The following TRPC5 variants were observed in gnomAD, a reference collection of about 807,000 sequenced individuals.
TRPC5 encodes the protein transient receptor potential cation channel subfamily C member 5, also known as short transient receptor potential channel 5.
A neutral mutation model predicts 56.5 loss-of-function variants in TRPC5; 9 were observed. That is an observed-to-expected ratio of 0.16 (90% CI 0.10 to 0.28). The LOEUF (loss-of-function observed/expected upper bound fraction) is 0.28. Among genes scored for constraint, TRPC5 ranks in the 10% least tolerant of loss-of-function variants. The probability of loss-of-function intolerance (pLI) is 1.00; values close to 1 mark genes in which losing one functional copy is unlikely to be tolerated. For synonymous variants in TRPC5, 282 were observed against 278.5 expected (o/e 1.01, Z -0.13); for missense variants, 469 against 748.9 (o/e 0.63, Z 4.36).
intron 10 of TRPC5, 72 bp from the exon 11 acceptor site, chrX:111,777,074 T>C (rs1714580662): frequency 1.6e-5 from 14 of 882,727 alleles, no homozygotes; most frequent in Non-Finnish European, 2.1e-5. Flanking sequence ...ATTAGATACC[T>C]TTGGTATGTT....
At chrX:111,864,994 C>T (rs1332162271) in intron 3 of TRPC5, among the ~76,000 whole-genome samples, 2 of 108,939 alleles carry the variant, frequency 1.8e-5, no homozygotes, top group African/African-American at 7.0e-5. Context: ...AATATAGCAG[C>T]TTCTTCTTTT....
At chrX:111,936,021 C>T (rs1926562181) in intron 2 of TRPC5, among the ~76,000 whole-genome samples, 1 of 111,768 alleles carries the variant, frequency 8.9e-6, no homozygotes, top group African/African-American at 3.3e-5. Flanking sequence ...TTGGTATTTG[C>T]ATTTAATCTA....
At chrX:111,860,070 G>A (rs1256620332) in intron 3 of TRPC5, among the ~76,000 whole-genome samples, 19 of 112,217 alleles carry the variant, frequency 1.7e-4, no homozygotes, top group African/African-American at 6.1e-4. Context: ...CACCACGACC[G>A]GCTAATTTTT....
intron 2 of TRPC5, among the ~76,000 whole-genome samples, chrX:111,919,764 A>G (rs1926078197): frequency 1.8e-5 from 2 of 112,033 alleles, no homozygotes; most frequent in African/African-American, 6.5e-5. Flanking sequence ...CTTGGGCCAC[A>G]CATAAAATAC....
Position 111,791,019 on chromosome X carries a change from C to CAAAAAAAAAAAAAAAAAAA in TRPC5, c.1897-8900_1897-8882dup. 2.2e-4 allele frequency among the ~76,000 whole-genome samples: 2 copies of CAAAAAAAAAAAAAAAAAAA among 9,293 alleles called. 1 individual carries two copies. The highest frequency in any genetic ancestry group is 4.4e-4 in the Non-Finnish European group (2 of 4,527). The allele number at this position is 9,293 out of a possible 115,157, so 8.1% of individuals were successfully genotyped here. A position where few individuals can be genotyped will look rare whatever the true frequency, so the allele number is the denominator to read the frequency against. On this transcript the variant is annotated intron_variant, in intron 7 of 10. Transcript: ENST00000262839. ...TGGGCCACAGAGCAAGACTCCATCT[C>CAAAAAAAAAAAAAAAAAAA]AAAAAAAAAAAAAAAAAAAAAAAAA... is the stretch of plus-strand genomic sequence containing the variant.
intron 6 of TRPC5, among the ~76,000 whole-genome samples, chrX:111,841,572 G>T (rs958172707): frequency 1.8e-5 from 2 of 112,088 alleles, no homozygotes; most frequent in East Asian, 5.5e-4. Flanking sequence ...TTCCTAGCAC[G>T]CAGTAAATAT....
At chrX:112,068,624 G>A (rs947820390) in intron 1 of TRPC5, among the ~76,000 whole-genome samples, 6 of 111,728 alleles carry the variant, frequency 5.4e-5, no homozygotes, top group African/African-American at 2.0e-4. Flanking sequence ...GTGAGCATCA[G>A]GGAAACACAC....
At chrX:112,058,531 A>C (rs1930390332) in intron 1 of TRPC5, among the ~76,000 whole-genome samples, 1 of 111,874 alleles carries the variant, frequency 8.9e-6, no homozygotes, top group Admixed American at 9.5e-5. Context: ...TGTGGACTAA[A>C]AGTATCTAAG....
At chrX:111,968,512 A>G (rs1292641644) in intron 1 of TRPC5, among the ~76,000 whole-genome samples, 1 of 111,036 alleles carries the variant, frequency 9.0e-6, no homozygotes, top group Admixed American at 9.6e-5. Context: ...GCTGCTATAA[A>G]GACACATGCA....
intron 3 of TRPC5, among the ~76,000 whole-genome samples, chrX:111,864,328 T>C (rs1396786706): frequency 8.9e-6 from 1 of 112,445 alleles, no homozygotes; most frequent in East Asian, 2.8e-4. Flanking sequence ...GGATTTAGAT[T>C]GCTTTTTCTT....
Position 111,774,390 on chromosome X carries a change from A to T in TRPC5, c.*1923T>A, listed in dbSNP as rs776035885. 2.7e-5 allele frequency: 3 copies of T among 112,231 alleles called. No individual in the cohort carries two copies. The highest frequency in any genetic ancestry group is 1.9e-4 in the Admixed American group (2 of 10,518). The allele number at this position is 112,231 out of a possible 1,213,427, so 9.2% of individuals were successfully genotyped here. A position where few individuals can be genotyped will look rare whatever the true frequency, so the allele number is the denominator to read the frequency against. ...GTGAATTTGACAATTTGAAAAGCTGAATCTGTAACTTTAGAAACCTTTCTG... is the reference window on the plus strand; with the variant it reads ...GTGAATTTGACAATTTGAAAAGCTGTATCTGTAACTTTAGAAACCTTTCTG... On this transcript the variant is annotated 3_prime_UTR_variant, in exon 11 of 11. Coordinates refer to ENST00000262839, the MANE Select transcript of TRPC5 (RefSeq NM_012471.3).
rs1185297560 is a variant in TRPC5 at position 112,008,735 on chromosome X, A to G, written c.-21-56294T>C. ...ATCAGTTTTTCTAGGCATAATAATAACTACGTAATAACATAATTGTGAAGA... is the reference window on the plus strand; with the variant it reads ...ATCAGTTTTTCTAGGCATAATAATAGCTACGTAATAACATAATTGTGAAGA... On this transcript the variant is annotated intron_variant, in intron 1 of 10. Coordinates refer to ENST00000262839, the MANE Select transcript of TRPC5 (RefSeq NM_012471.3). Among the ~76,000 whole-genome samples, 4 of 112,109 alleles carry G rather than the reference A, an allele frequency of 3.6e-5. No homozygotes were observed. The East Asian group carries it at 1.1e-3, about 31-fold the overall frequency.
chrX:112,023,246 GTTTTTTTTTTTTTTT>G (rs1163231468), intron 1 of TRPC5, among the ~76,000 whole-genome samples: 40 of 56,704 alleles, frequency 7.1e-4, no homozygotes, highest in Admixed American at 2.4e-3. Flanking sequence ...TTTTTTTTTT[GTTTTTTTTTTTTTTT>G]TTTTTTTTTT....
chrX:111,792,915 A>G (rs956171103), intron 7 of TRPC5, among the ~76,000 whole-genome samples: 64 of 111,928 alleles, frequency 5.7e-4, no homozygotes, highest in African/African-American at 2.0e-3. Flanking sequence ...GACACCTGTT[A>G]GTACCACCTT....
chrX:111,799,305 T>G (rs917713378), intron 7 of TRPC5, among the ~76,000 whole-genome samples: 7 of 111,655 alleles, frequency 6.3e-5, no homozygotes, highest in Non-Finnish European at 1.9e-5. Flanking sequence ...TTTTTCTGGA[T>G]AGCTTCCCTC....
chrX:112,042,900 G>A (rs919879161), intron 1 of TRPC5, among the ~76,000 whole-genome samples: 5 of 110,136 alleles, frequency 4.5e-5, no homozygotes, highest in Middle Eastern at 9.4e-3. Flanking sequence ...CCCTGCCTTC[G>A]TGAGACTTAT....
chrX:112,045,508 C>T (rs1220278768), intron 1 of TRPC5, among the ~76,000 whole-genome samples: 7 of 111,950 alleles, frequency 6.3e-5, no homozygotes, highest in Non-Finnish European at 1.3e-4. Context: ...GAATTCGTTA[C>T]AGCAGTCACA....
At position 111,854,056 on chromosome X, in the gene TRPC5, A is replaced by G. The variant is rs1923157080; in HGVS notation, c.951T>C (p.Asp317=). The change falls in exon 4 of 11, where the codon GAT becomes GAC. Residue 317 remains aspartate, a synonymous_variant. Transcript: ENST00000262839. ...CQQLLATLWY[D]GFPGWRRKHW... is the part of the protein sequence containing the mutation. ...GTTTCCGCCGCCATCCAGGGAAGCC[A>G]TCATACCACAGGGTGGCAAGCAACT... 3.3e-6 allele frequency: 4 copies of G among 1,211,554 alleles called. No homozygotes were observed. The highest frequency in any genetic ancestry group is 3.4e-6 in the Non-Finnish European group (3 of 895,346).
intron 1 of TRPC5, among the ~76,000 whole-genome samples, chrX:111,972,100 T>C (rs936854250): frequency 1.8e-4 from 20 of 111,606 alleles, no homozygotes; most frequent in African/African-American, 5.9e-4. Flanking sequence ...TGCCTTTCAG[T>C]GTTCTGCCTC....
Sources: allele counts gnomAD v4.1 joint callset (sites outside exome capture counted in the v4.1 genomes callset), GRCh38; gene constraint gnomAD v4.1.1; transcripts MANE v1.5; gene names NCBI Gene and HGNC (gene_info 2026-07-23, HGNC 2026-07-21).